FAAP100: variants seen among roughly 807,000 people sequenced by gnomAD.
FAAP100 encodes FA core complex associated protein 100.
In FAAP100, 46 loss-of-function variants were observed where a neutral mutation model predicts 65.8. The observed-to-expected ratio is 0.70, with a 90% CI of 0.55 to 0.89. FAAP100 has a LOEUF of 0.89. FAAP100 is among the 40% of genes least tolerant of loss of function. The probability of loss-of-function intolerance (pLI) is 0.00; values close to 1 mark genes in which losing one functional copy is unlikely to be tolerated. For missense variants in FAAP100, 1,165 were observed against 1,196.7 expected, an observed-to-expected ratio of 0.97 and a Z score of 0.39; for synonymous variants, 663 against 555.1, an observed-to-expected ratio of 1.19 and a Z score of -2.73.
Position 81,551,098 on chromosome 17 carries a change from C to CGCGCACA in FAAP100, c.389_395dup (p.Phe133ValfsTer26). The CGCGCACA allele has an allele frequency of 6.4e-7, 1 of 1,562,992 alleles. No homozygotes were observed. Among genetic ancestry groups the CGCGCACA allele is most frequent in the Non-Finnish European group, 8.7e-7 (1 of 1,153,888 alleles). On this transcript the variant is annotated frameshift_variant, in exon 3 of 9. Coordinates refer to ENST00000327787, the MANE Select transcript of FAAP100 (RefSeq NM_025161.6). LOFTEE classifies it high-confidence loss of function. ...CCAGCACACTGTCCAGCAAGGTGAA[C>CGCGCACA]GCGCACAGCGCAGCATCGGGAAGGA...
rs565687835 is a variant in FAAP100, at chr17:81,541,415, T to A, written c.2428-20A>T. On this transcript the variant is annotated intron_variant, in intron 7 of 8. Transcript: ENST00000327787. ...CATCGTCTGGGGGACACAGGAGACATGCTGGAGAGGGTGTGCCCCAGCACC... is the reference window on the plus strand; with the variant it reads ...CATCGTCTGGGGGACACAGGAGACAAGCTGGAGAGGGTGTGCCCCAGCACC... The A allele has an allele frequency of 3.2e-5, 51 of 1,581,936 alleles. 3 individuals carry two copies. In the South Asian group the frequency reaches 5.6e-4, roughly 17 times the overall value.
In FAAP100 at chr17:81,540,930, C is replaced by A; in HGVS notation, c.2535G>T (p.Gln845His). Residue 845 changes from glutamine to histidine, a missense_variant, in exon 9 of 9, where the codon CAG becomes CAT. Physicochemically the swap from Gln to His is conservative, Grantham distance 24 (BLOSUM62 0). Coordinates refer to ENST00000327787, the MANE Select transcript of FAAP100 (RefSeq NM_025161.6). ...ANHETLLREV[Q>H]TLRDRLCTED... is the part of the protein sequence containing the mutation. ...CCGTGCAGAGCCGGTCGCGCAGGGTCTGCACCTCCCGCAGCAGTGTCTGCA... is the reference window on the plus strand; with the variant it reads ...CCGTGCAGAGCCGGTCGCGCAGGGTATGCACCTCCCGCAGCAGTGTCTGCA... 1.3e-6 allele frequency: 2 copies of A among 1,589,548 alleles called. No homozygotes were observed. The highest frequency in any genetic ancestry group is 1.1e-5 in the South Asian group (1 of 88,896).
intron 3 of FAAP100, among the ~76,000 whole-genome samples, 193 bp from the exon 4 acceptor site, chr17:81,549,555 C>A (rs2033420992): frequency 6.6e-6 from 1 of 152,272 alleles, no homozygotes. Context: ...CGAGCCACGC[C>A]ATCTCTGATC....
Position 81,540,305 on chromosome 17 carries a change from G to GGGCA in FAAP100, c.*510_*513dup. ...CCTCGGGGTCCCAGAGTGGGCAGCC[G>GGGCA]GGCAGGTGTGAACAGTGTGACAAGG... On this transcript the variant is annotated 3_prime_UTR_variant, in exon 9 of 9. Transcript: ENST00000327787. The GGGCA allele has an allele frequency of 2.5e-6, 1 of 398,908 alleles. No individual in the cohort carries two copies. Among genetic ancestry groups the GGGCA allele is most frequent in the Non-Finnish European group, 4.4e-6 (1 of 226,156 alleles). The allele number at this position is 398,908 out of a possible 1,614,324, so 24.7% of individuals were successfully genotyped here.
chr17:81,551,053 A>G lies in FAAP100; in HGVS notation c.441T>C (p.Pro147=). The part of the protein sequence containing the change: ...DSVLVTLVQG[P]ARWKMQLFEQ... ...CAAACAGCTGCATCTTCCATCGGGC[A>G]GGGCCCTGCACCAGGGTGACCAGCA... is the stretch of plus-strand genomic sequence containing the variant. Residue 147 remains proline, a synonymous_variant, in exon 3 of 9, where the codon CCT becomes CCC. Coordinates refer to ENST00000327787, the MANE Select transcript of FAAP100 (RefSeq NM_025161.6). 2 of 1,600,920 alleles carry G rather than the reference A, an allele frequency of 1.2e-6. No homozygotes were observed. The highest frequency in any genetic ancestry group is 1.7e-6 in the Non-Finnish European group (2 of 1,174,192).
At chr17:81,543,105 T>C (rs905709974) in intron 7 of FAAP100, among the ~76,000 whole-genome samples, 1 of 152,200 alleles carries the variant, frequency 6.6e-6, no homozygotes, top group African/African-American at 2.4e-5. Flanking sequence ...GTCATGGTGC[T>C]GCGTGAGTTG....
Position 81,539,955 on chromosome 17 carries a change from T to C in FAAP100, c.*864A>G, listed in dbSNP as rs930390371. On this transcript the variant is annotated 3_prime_UTR_variant, in exon 9 of 9. Transcript: ENST00000327787. ...ACCTCACGGCTCCTACCCGCACTCA[T>C]CGCGGACAGTGCCTGCAGCGGGAGC... is the stretch of plus-strand genomic sequence containing the variant. 3.0e-5 allele frequency: 12 copies of C among 398,534 alleles called. No homozygotes were observed. Among genetic ancestry groups the C allele is most frequent in the African/African-American group, 2.3e-4 (11 of 48,604 alleles). The allele number at this position is 398,534 out of a possible 1,614,324, so 24.7% of individuals were successfully genotyped here. A position where few individuals can be genotyped will look rare whatever the true frequency, so the allele number is the denominator to read the frequency against.
intron 4 of FAAP100, 167 bp from the exon 5 acceptor site, chr17:81,547,845 C>A (rs558660111): frequency 2.3e-6 from 2 of 878,956 alleles, no homozygotes; most frequent in Admixed American, 2.0e-5. Flanking sequence ...ATGTTTCTCC[C>A]GGCCCCACCC....
In FAAP100 at chr17:81,543,901, C is replaced by A. The variant is rs1342894812; in HGVS notation, c.2427+103G>T. On this transcript the variant is annotated intron_variant, in intron 7 of 8. Coordinates refer to ENST00000327787, the MANE Select transcript of FAAP100 (RefSeq NM_025161.6). ...CTTGGATCTTCCTACAACTCCCTTG[C>A]AGGGAGCCGCAGACCCCGTGGCCAG... 4.7e-6 allele frequency: 5 copies of A among 1,053,624 alleles called. No individual in the cohort carries two copies. The East Asian group carries it at 1.2e-4, about 26-fold the overall frequency. The allele number at this position is 1,053,624 out of a possible 1,614,324, so 65.3% of individuals were successfully genotyped here. A position where few individuals can be genotyped will look rare whatever the true frequency, so the allele number is the denominator to read the frequency against.
rs1440773956 is a variant in FAAP100, at chr17:81,552,019, G to A, written c.199C>T (p.Leu67=). 2 of 1,561,674 alleles carry A rather than the reference G, an allele frequency of 1.3e-6. No individual in the cohort carries two copies. The highest frequency in any genetic ancestry group is 1.4e-5 in the African/African-American group (1 of 71,370). The part of the protein sequence containing the change: ...AFRFPDQVWH[L]ELLAPRRLLY... ...AACCTGCGCGGCGCCAGCAGCTCCA[G>A]GTGCCACACCTGGTCGGGGAACCGG... is the stretch of plus-strand genomic sequence containing the variant. The change falls in exon 2 of 9, where the codon CTG becomes TTG. Residue 67 remains leucine, a synonymous_variant. Transcript: ENST00000327787.
intron 4 of FAAP100, 44 bp downstream of exon 4, chr17:81,549,162 G>T (rs533577707): frequency 3.8e-6 from 6 of 1,599,034 alleles, no homozygotes; most frequent in Non-Finnish European, 5.1e-6. Context: ...ACCTCCCAAG[G>T]ATGGCAGCGC....
chr17:81,549,061 AAAAAAAAAAAAAGAG>A (rs2033405318), intron 4 of FAAP100, 130 bp downstream of exon 4: 1 of 717,386 alleles, frequency 1.4e-6, no homozygotes, highest in African/African-American at 2.0e-5. Context: ...AAAAAAAAAA[AAAAAAAAAAAAAGAG>A]GCCAAGTAAT....
intron 2 of FAAP100, 108 bp downstream of exon 2, chr17:81,551,820 G>A (rs2033505468): frequency 7.2e-7 from 1 of 1,390,890 alleles, no homozygotes; most frequent in Non-Finnish European, 9.3e-7. Flanking sequence ...AGGCTTCAGA[G>A]CTGGCGGCAG....
rs1248432349 is a variant in FAAP100 at position 81,552,264 on chromosome 17, C to T, written c.67G>A (p.Ala23Thr). Residue 23 changes from alanine (A) to threonine (T), a missense_variant, in exon 1 of 9, where the codon GCG becomes ACG. Ala to Thr is a moderately conservative substitution (Grantham distance 58). Transcript: ENST00000327787. ...GFCCPLGGLA[A>T]GKPRVLCHEA... ...TGGCACAGCACGCGGGGCTTGCCCGCCGCCAGGCCCCCGAGAGGGCAGCAG... is the reference window on the plus strand; with the variant it reads ...TGGCACAGCACGCGGGGCTTGCCCGTCGCCAGGCCCCCGAGAGGGCAGCAG... 3 of 1,479,210 alleles carry T rather than the reference C, an allele frequency of 2.0e-6. No individual in the cohort carries two copies. Among genetic ancestry groups the T allele is most frequent in the East Asian group, 3.0e-5 (1 of 33,768 alleles). The allele number at this position is 1,479,210 out of a possible 1,614,324, so 91.6% of individuals were successfully genotyped here.
intron 7 of FAAP100, among the ~76,000 whole-genome samples, chr17:81,541,867 G>A (rs1219677843): frequency 1.3e-5 from 2 of 152,074 alleles, no homozygotes; most frequent in Non-Finnish European, 2.9e-5. Context: ...CCCTGGGCTT[G>A]GATCTAAATT....
In FAAP100 at chr17:81,550,965, A is replaced by C. The variant is rs1423239809; in HGVS notation, c.529T>G (p.Ser177Ala). The change falls in exon 3 of 9, where the codon TCC (serine) becomes GCC (alanine). Residue 177 changes from serine (S) to alanine (A), a missense_variant. Transcript: ENST00000327787. Reference protein sequence around the residue: ...GGQIGEVELSSYTPPAGVPGK... With the variant: ...GGQIGEVELSAYTPPAGVPGK... ...GGGACCCCGGCTGGGGGCGTGTAGGAGGACAGCTCCACCTCACCGATCTGG... is the reference window on the plus strand; with the variant it reads ...GGGACCCCGGCTGGGGGCGTGTAGGCGGACAGCTCCACCTCACCGATCTGG... 6.2e-7 allele frequency: 1 copy of C among 1,612,136 alleles called. No homozygotes were observed.
chr17:81,544,208 C>T (rs1360154337), intron 6 of FAAP100, 88 bp from the exon 7 acceptor site: 5 of 1,110,504 alleles, frequency 4.5e-6, no homozygotes, highest in African/African-American at 1.5e-5. Context: ...CCCCAGCTGG[C>T]AGCACGTGAG....
chr17:81,542,381 T>C (rs1351097226), intron 7 of FAAP100, among the ~76,000 whole-genome samples: 3 of 150,988 alleles, frequency 2.0e-5, no homozygotes, highest in African/African-American at 7.4e-5. Context: ...CAGAGCTCTA[T>C]CTCAAACAAA....
upstream of FAAP100, chr17:81,553,030 C>T (rs186056947): frequency 7.1e-5 from 11 of 154,224 alleles, no homozygotes; most frequent in South Asian, 2.1e-3. Flanking sequence ...TCCACCCTCT[C>T]CCTCCTGGCA....
Sources: gnomAD v4.1 joint callset for allele counts (sites outside exome capture counted in the v4.1 genomes callset) on GRCh38, gnomAD v4.1.1 for gene constraint, MANE v1.5 for transcripts, NCBI Gene and HGNC (gene_info 2026-07-23, HGNC 2026-07-21) for gene names.